ATP8A1: variants seen among roughly 807,000 people sequenced by gnomAD.
ATP8A1 encodes the protein phospholipid-transporting ATPase IA.
Under a neutral mutation model 177.7 loss-of-function variants are expected in ATP8A1, and 90 were observed. That is an observed-to-expected ratio of 0.51 (90% CI 0.43 to 0.60). The LOEUF is 0.60. Among genes scored for constraint, ATP8A1 ranks in the 20% least tolerant of loss-of-function variants. ATP8A1 has a pLI of 0.00. For synonymous variants in ATP8A1, 493 were observed against 485.9 expected (o/e 1.01, Z -0.19); for missense variants, 1,072 against 1,392.8 (o/e 0.77, Z 3.67).
intron 5 of ATP8A1, among the ~76,000 whole-genome samples, chr4:42,601,996 AT>A (rs59533758): frequency 2.9e-5 from 4 of 137,104 alleles, no homozygotes; most frequent in Non-Finnish European, 4.8e-5. Context: ...TGTCTTAGCC[AT>A]TTTTTTTTTA....
chr4:42,516,095 T>C (rs114464717), intron 22 of ATP8A1, among the ~76,000 whole-genome samples: 121 of 152,334 alleles, frequency 7.9e-4, no homozygotes, highest in African/African-American at 2.7e-3. Flanking sequence ...AAATGAATAA[T>C]TCATTTATTC....
chr4:42,590,109 A>C (rs1734012687), intron 7 of ATP8A1, among the ~76,000 whole-genome samples: 1 of 152,210 alleles, frequency 6.6e-6, no homozygotes, highest in Non-Finnish European at 1.5e-5. Context: ...CTAAAACACA[A>C]ACTAGTCAAG....
At chr4:42,565,826 T>C (rs575083688) in intron 15 of ATP8A1, among the ~76,000 whole-genome samples, 2 of 152,148 alleles carry the variant, frequency 1.3e-5, no homozygotes, top group Admixed American at 6.5e-5. Flanking sequence ...TAGAAATATA[T>C]AGTTTTAGAA....
chr4:42,535,116 G>C (rs1387705361), intron 20 of ATP8A1, among the ~76,000 whole-genome samples: 1 of 151,858 alleles, frequency 6.6e-6, no homozygotes, highest in South Asian at 2.1e-4. Flanking sequence ...AAGGTATTCA[G>C]GCAACAAATA....
chr4:42,481,223 G>C (rs1721636994), intron 25 of ATP8A1, among the ~76,000 whole-genome samples: 1 of 152,146 alleles, frequency 6.6e-6, no homozygotes, highest in Admixed American at 6.5e-5. Flanking sequence ...CAGCAGAGTG[G>C]CCAACAGAAG....
At chr4:42,496,931 A>G (rs1363847241) in intron 24 of ATP8A1, among the ~76,000 whole-genome samples, 1 of 152,164 alleles carries the variant, frequency 6.6e-6, no homozygotes. Flanking sequence ...AGATTTGGGC[A>G]TTGTCATATT....
intron 1 of ATP8A1, among the ~76,000 whole-genome samples, chr4:42,628,149 A>C (rs1340572651): frequency 6.6e-6 from 1 of 152,192 alleles, no homozygotes; most frequent in African/African-American, 2.4e-5. Flanking sequence ...TGCCGAATAC[A>C]TATACCCAAT....
At chr4:42,581,425 G>T (rs41265701) in intron 10 of ATP8A1, among the ~76,000 whole-genome samples, 196 bp downstream of exon 10, 2 of 152,038 alleles carry the variant, frequency 1.3e-5, no homozygotes, top group South Asian at 2.1e-4. Context: ...GAGCCACCGC[G>T]CCCAGCCCAA....
chr4:42,511,821 A>ATT (rs10658644), intron 22 of ATP8A1, among the ~76,000 whole-genome samples: 20,212 of 151,504 alleles, frequency 0.13, 1,689 homozygotes, highest in East Asian at 0.26. Context: ...AGATGATGTC[A>ATT]TTTTTTTTTA....
chr4:42,564,268 A>G lies in ATP8A1; in HGVS notation c.1340+4893T>C, dbSNP rs559562333. On this transcript the variant is annotated intron_variant, in intron 15 of 36. Coordinates refer to ENST00000381668, the MANE Select transcript of ATP8A1 (RefSeq NM_006095.2). Reference sequence around the variant, plus strand: ...GTGGGGTCAGAGCCCCCCCCAACAGAGTCCCTAGTGGAGCTGTGAGCAGAG... The same window carrying G: ...GTGGGGTCAGAGCCCCCCCCAACAGGGTCCCTAGTGGAGCTGTGAGCAGAG... 3.5e-4 allele frequency among the ~76,000 whole-genome samples: 54 copies of G among 152,238 alleles called. No individual in the cohort carries two copies. The East Asian group carries it at 0.01, about 28-fold the overall frequency.
chr4:42,625,791 T>C (rs1240175058), intron 2 of ATP8A1, 78 bp from the exon 3 acceptor site: 4 of 678,056 alleles, frequency 5.9e-6, no homozygotes, highest in Non-Finnish European at 9.5e-6. Flanking sequence ...GTTACTAACA[T>C]ATAAAAAGTT....
At chr4:42,524,890 T>C (rs777959428) in intron 20 of ATP8A1, 43 bp from the exon 21 acceptor site, 2 of 1,362,426 alleles carry the variant, frequency 1.5e-6, no homozygotes, top group Admixed American at 1.8e-5. Context: ...TTAAGCATTC[T>C]GGGTTTAATA....
intron 6 of ATP8A1, among the ~76,000 whole-genome samples, chr4:42,597,366 T>C (rs371903364): frequency 1.3e-5 from 2 of 152,394 alleles, no homozygotes; most frequent in South Asian, 2.1e-4. Context: ...CTTTTGTGCC[T>C]GTTCGCTTGT....
chr4:42,414,619 A>C lies in ATP8A1; in HGVS notation c.3397+8T>G, dbSNP rs201818839. Reference sequence around the variant, plus strand: ...ATTTATTTAAAAATAAGAAACTCAAATACTCACGGAGCAGATTTTGTTGCA... The same window carrying C: ...ATTTATTTAAAAATAAGAAACTCAACTACTCACGGAGCAGATTTTGTTGCA... On this transcript the variant is annotated splice_region_variant and intron_variant, in intron 36 of 36. Transcript: ENST00000381668. 1 of 1,610,130 alleles carries C rather than the reference A, an allele frequency of 6.2e-7. No individual in the cohort carries two copies. The highest frequency in any genetic ancestry group is 2.2e-5 in the East Asian group (1 of 44,864).
intron 20 of ATP8A1, among the ~76,000 whole-genome samples, chr4:42,539,796 A>G (rs1041541174): frequency 6.6e-6 from 1 of 152,164 alleles, no homozygotes; most frequent in Admixed American, 6.5e-5. Context: ...AAGAAAACAA[A>G]AAATCAAAAT....
At chr4:42,631,153 A>G (rs1738687732) in intron 1 of ATP8A1, among the ~76,000 whole-genome samples, 1 of 152,188 alleles carries the variant, frequency 6.6e-6, no homozygotes, top group South Asian at 2.1e-4. Flanking sequence ...GTAATTCTCT[A>G]CCTTGTGGTG....
chr4:42,549,238 A>G lies in ATP8A1; in HGVS notation c.1603-176T>C, dbSNP rs146585753. Among the ~76,000 whole-genome samples the G allele has an allele frequency of 5.3e-3, 811 of 152,360 alleles. 7 individuals are homozygous for G. The highest frequency in any genetic ancestry group is 0.017 in the African/African-American group (727 of 41,592). ...CGTAAATTGAGTTACAGGAAACAGA[A>G]AATCCAAAACAGGAGAAAACCAAAA... On this transcript the variant is annotated intron_variant, in intron 18 of 36. Transcript: ENST00000381668.
chr4:42,629,921 G>T (rs1738548068), intron 1 of ATP8A1, among the ~76,000 whole-genome samples: 1 of 152,204 alleles, frequency 6.6e-6, no homozygotes, highest in Non-Finnish European at 1.5e-5. Context: ...CTCTTTCCAT[G>T]TAAAGAGAAA....
chr4:42,546,468 T>C (rs1728938519), intron 19 of ATP8A1, among the ~76,000 whole-genome samples: 2 of 149,134 alleles, frequency 1.3e-5, no homozygotes, highest in Admixed American at 1.3e-4. Flanking sequence ...CATTAGGAGA[T>C]ATACCCAAAG....
Sources: gnomAD v4.1 joint callset for allele counts (sites outside exome capture counted in the v4.1 genomes callset) on GRCh38, gnomAD v4.1.1 for gene constraint, MANE v1.5 for transcripts, NCBI Gene and HGNC (gene_info 2026-07-23, HGNC 2026-07-21) for gene names.